MYOC: variants seen among roughly 807,000 people sequenced by gnomAD.
The protein encoded by MYOC is myocilin.
In MYOC, 29 loss-of-function variants were observed where a neutral mutation model predicts 28.2. The ratio of observed to expected loss-of-function variants is 1.03; its 90% CI spans 0.77 to 1.40. MYOC has a LOEUF of 1.40. MYOC is among the 40% of genes most tolerant of loss of function. The probability of loss-of-function intolerance (pLI) is 0.00; values close to 1 mark genes in which losing one functional copy is unlikely to be tolerated. For synonymous variants in MYOC, 240 were observed against 245.6 expected (o/e 0.98, Z 0.21); for missense variants, 569 against 620.6 (o/e 0.92, Z 0.88).
chr1:171,651,440 T>C (rs1015469114), intron 1 of MYOC, among the ~76,000 whole-genome samples: 5 of 151,480 alleles, frequency 3.3e-5, no homozygotes, highest in Non-Finnish European at 5.9e-5. Context: ...ATTTGTCTGA[T>C]GACTTAAAAG....
intron 1 of MYOC, among the ~76,000 whole-genome samples, chr1:171,646,472 G>A (rs867480700): frequency 7.3e-5 from 11 of 151,616 alleles, no homozygotes; most frequent in Middle Eastern, 3.4e-3. Context: ...GCATTTTTGG[G>A]GCTTTTATTT....
rs781356204 is a variant in MYOC at position 171,636,510 on chromosome 1, G to A, written c.930C>T (p.Gly310=). The A allele has an allele frequency of 1.9e-6, 3 of 1,611,056 alleles. No individual in the cohort carries two copies. The South Asian group carries it at 3.3e-5, about 18-fold the overall frequency. The change falls in exon 3 of 3, where the codon GGC becomes GGT. Residue 310 remains glycine (G), a synonymous_variant. Coordinates refer to ENST00000037502, the MANE Select transcript of MYOC (RefSeq NM_000261.2). ...EYDLISQFMQ[G]YPSKVHILPR... The stretch of plus-strand genomic sequence containing the variant: ...GCAGTATGTGAACCTTAGAAGGGTA[G>A]CCCTGCATAAACTGGCTGATGAGGT...
chr1:171,642,880 T>A (rs1314470062), intron 1 of MYOC, among the ~76,000 whole-genome samples: 2 of 104,202 alleles, frequency 1.9e-5, no homozygotes, highest in East Asian at 2.8e-4. Flanking sequence ...AATAGGCTAG[T>A]CTATGTTTAA....
chr1:171,638,655 A>C lies in MYOC; in HGVS notation c.672T>G (p.Ala224=). The C allele has an allele frequency of 3.1e-6, 5 of 1,614,240 alleles. No individual in the cohort carries two copies. Among genetic ancestry groups the C allele is most frequent in the Non-Finnish European group, 4.2e-6 (5 of 1,180,020 alleles). ...ELKSELTEVP[A]SRILKESPSG... ...ATGGGCTCTCCTTCAAAATTCGGGA[A>C]GCAGGAACTTCAGTTAGCTCGGACT... The change falls in exon 2 of 3, where the codon GCT becomes GCG. Residue 224 remains alanine, a synonymous_variant. Transcript: ENST00000037502.
chr1:171,651,875 A>G, intron 1 of MYOC, 133 bp downstream of exon 1: 1 of 1,288,282 alleles, frequency 7.8e-7, no homozygotes, highest in Non-Finnish European at 1.1e-6. Context: ...TGCTTTCCTT[A>G]ATTCATCTGT....
intron 1 of MYOC, among the ~76,000 whole-genome samples, chr1:171,649,288 C>G (rs991567611): frequency 6.6e-6 from 1 of 152,182 alleles, no homozygotes; most frequent in African/African-American, 2.4e-5. Flanking sequence ...GTCCACTCAG[C>G]CTCACTAAGC....
chr1:171,646,787 G>A (rs1207678432), intron 1 of MYOC, among the ~76,000 whole-genome samples: 4 of 152,040 alleles, frequency 2.6e-5, no homozygotes, highest in East Asian at 3.9e-4. Flanking sequence ...GAGCCACCAC[G>A]CCCAGCTGTT....
rs1652924886 is a variant in MYOC, at chr1:171,636,473, C to A, written c.967G>T (p.Glu323Ter). The change falls in exon 3 of 3, where the codon GAA (glutamate) becomes TAA (stop). Residue 323 changes from glutamate (E) to a stop codon, truncating the protein, a stop_gained. Transcript: ENST00000037502. LOFTEE classifies it low-confidence loss of function (END_TRUNC). ...SKVHILPRPL[E>*]STGAVVYSGS... ...GAGTACACCACAGCACCCGTGCTTT[C>A]CAGTGGCCTAGGCAGTATGTGAACC... 1 of 1,613,926 alleles carries A rather than the reference C, an allele frequency of 6.2e-7. No homozygotes were observed. Among genetic ancestry groups the A allele is most frequent in the Admixed American group, 1.7e-5 (1 of 59,984 alleles).
In MYOC at chr1:171,635,466, A is replaced by G; in HGVS notation, c.*459T>C. The G allele has an allele frequency of 3.6e-6, 1 of 280,840 alleles. No homozygotes were observed. The highest frequency in any genetic ancestry group is 6.8e-6 in the Non-Finnish European group (1 of 146,626). The allele number at this position is 280,840 out of a possible 1,614,324, so 17.4% of individuals were successfully genotyped here. A position where few individuals can be genotyped will look rare whatever the true frequency, so the allele number is the denominator to read the frequency against. On this transcript the variant is annotated 3_prime_UTR_variant, in exon 3 of 3. Coordinates refer to ENST00000037502, the MANE Select transcript of MYOC (RefSeq NM_000261.2). The stretch of plus-strand genomic sequence containing the variant: ...AATGTAAAGGGTTATGTGAGACCCA[A>G]CTGTATTCTATCTGAAGCATTAGAA...
At chr1:171,646,537 C>T (rs1485909684) in intron 1 of MYOC, among the ~76,000 whole-genome samples, 1 of 149,112 alleles carries the variant, frequency 6.7e-6, no homozygotes, top group Non-Finnish European at 1.5e-5. Context: ...CGCTCTGTCA[C>T]CCAGGCTGGA....
At chr1:171,637,957 G>T (rs1652969109) in intron 2 of MYOC, among the ~76,000 whole-genome samples, 1 of 152,124 alleles carries the variant, frequency 6.6e-6, no homozygotes, top group South Asian at 2.1e-4. Context: ...CCTCATAGAA[G>T]GTAGAAACAC....
chr1:171,638,378 G>C (rs1652977004), intron 2 of MYOC, among the ~76,000 whole-genome samples: 1 of 152,202 alleles, frequency 6.6e-6, no homozygotes, highest in African/African-American at 2.4e-5. Flanking sequence ...ATAGGATAGA[G>C]GGCTTTGTTA....
intron 2 of MYOC, among the ~76,000 whole-genome samples, chr1:171,637,127 C>G (rs1652941807): frequency 1.3e-5 from 2 of 152,256 alleles, no homozygotes; most frequent in Middle Eastern, 3.4e-3. Context: ...CACTCAGTAT[C>G]AGTTGTAAGG....
At chr1:171,649,173 A>AT (rs1653292975) in intron 1 of MYOC, among the ~76,000 whole-genome samples, 1 of 152,090 alleles carries the variant, frequency 6.6e-6, no homozygotes, top group African/African-American at 2.4e-5. Flanking sequence ...ATTATAAGGA[A>AT]TTTTTTTCTA....
At chr1:171,646,699 A>T (rs935884801) in intron 1 of MYOC, among the ~76,000 whole-genome samples, 2 of 151,824 alleles carry the variant, frequency 1.3e-5, no homozygotes, top group African/African-American at 4.8e-5. Flanking sequence ...GTTTTACCAT[A>T]TTGGCCAGGC....
In MYOC at chr1:171,635,608, G is replaced by A. The variant is rs1652899726; in HGVS notation, c.*317C>T. On this transcript the variant is annotated 3_prime_UTR_variant, in exon 3 of 3. Coordinates refer to ENST00000037502, the MANE Select transcript of MYOC (RefSeq NM_000261.2). ...TGTGGTAACCATGTAACATGCAAGA[G>A]CAATGGTTTTCAGGAAGAAACTATT... is the stretch of plus-strand genomic sequence containing the variant. The A allele has an allele frequency of 4.3e-6, 2 of 464,402 alleles. No individual in the cohort carries two copies. Among genetic ancestry groups the A allele is most frequent in the Non-Finnish European group, 7.9e-6 (2 of 253,550 alleles). The allele number at this position is 464,402 out of a possible 1,614,324, so 28.8% of individuals were successfully genotyped here.
At position 171,652,369 on chromosome 1, in the gene MYOC, T is replaced by C; in HGVS notation, c.243A>G (p.Gln81=). Residue 81 remains glutamine (Q), a synonymous_variant, in exon 1 of 3, where the codon CAA becomes CAG. Transcript: ENST00000037502. Reference sequence around the variant, plus strand: ...CTTTGGTGGCCTCCAGGTCTAAGCGTTGGGTGCTGCTGTCTCTCTGTAAGT... The same window carrying C: ...CTTTGGTGGCCTCCAGGTCTAAGCGCTGGGTGCTGCTGTCTCTCTGTAAGT... ...IHNLQRDSST[Q]RLDLEATKAR... The C allele has an allele frequency of 2.5e-6, 4 of 1,612,500 alleles. No individual in the cohort carries two copies. Among genetic ancestry groups the C allele is most frequent in the Non-Finnish European group, 3.4e-6 (4 of 1,178,660 alleles).
chr1:171,638,672 G>A lies in MYOC; in HGVS notation c.655C>T (p.Leu219=). 1.2e-6 allele frequency: 2 copies of A among 1,614,164 alleles called. No homozygotes were observed. Among genetic ancestry groups the A allele is most frequent in the Non-Finnish European group, 1.7e-6 (2 of 1,179,994 alleles). ...ATTCGGGAAGCAGGAACTTCAGTTA[G>A]CTCGGACTTCAGTTCCTGGAAGGCC... is the stretch of plus-strand genomic sequence containing the variant. ...TLAFQELKSE[L]TEVPASRILK... Residue 219 remains leucine (L), a synonymous_variant, in exon 2 of 3, where the codon CTA becomes TTA. Transcript: ENST00000037502.
intron 1 of MYOC, among the ~76,000 whole-genome samples, chr1:171,648,229 C>T (rs542390494): frequency 6.6e-6 from 1 of 152,130 alleles, no homozygotes; most frequent in South Asian, 2.1e-4. Flanking sequence ...CAAACCTCGT[C>T]CCCACATCTG....
Sources: allele counts gnomAD v4.1 joint callset (sites outside exome capture counted in the v4.1 genomes callset), GRCh38; gene constraint gnomAD v4.1.1; transcripts MANE v1.5; gene names NCBI Gene and HGNC (gene_info 2026-07-23, HGNC 2026-07-21).